The following NAV3 variants were observed in gnomAD, a reference collection of about 807,000 sequenced individuals.
NAV3 encodes pore membrane and/or filament interacting like protein 1.
A neutral mutation model predicts 244.7 loss-of-function variants in NAV3; 87 were observed. That is an observed-to-expected ratio of 0.36 (90% confidence interval 0.30 to 0.42). The LOEUF is 0.42. NAV3 is among the 20% of genes least tolerant of loss of function. The probability of loss-of-function intolerance (pLI) is 1.00; values close to 1 mark genes in which losing one functional copy is unlikely to be tolerated. For synonymous variants in NAV3, 1,126 were observed against 1,042.2 expected, an observed-to-expected ratio of 1.08 and a Z score of -1.55; for missense variants, 2,663 against 2,893.3, an observed-to-expected ratio of 0.92 and a Z score of 1.83.
chr12:77,931,614 C>G lies in NAV3; in HGVS notation c.244-8705C>G, dbSNP rs562745667. ...AGGTGCGGTGGCTCACTCCTGTAAT[C>G]CCAGCACTTTGGGAGGCCCAGGCAG... On this transcript the variant is annotated intron_variant, in intron 1 of 39. Coordinates refer to ENST00000397909, the MANE Select transcript of NAV3 (RefSeq NM_001024383.2). Among the ~76,000 whole-genome samples the G allele has an allele frequency of 4.6e-5, 7 of 152,160 alleles. No individual in the cohort carries two copies. In the South Asian group the frequency reaches 1.5e-3, roughly 32 times the overall value.
At chr12:77,762,341 T>C (rs1869512511) in intron 2 of NAV3, among the ~76,000 whole-genome samples, 2 of 152,072 alleles carry the variant, frequency 1.3e-5, no homozygotes, top group Admixed American at 6.6e-5. Context: ...GACAGGTGGA[T>C]GGGTGCAGCA....
At chr12:77,715,113 T>C (rs1381336557) in intron 2 of NAV3, among the ~76,000 whole-genome samples, 1 of 152,022 alleles carries the variant, frequency 6.6e-6, no homozygotes, top group Non-Finnish European at 1.5e-5. Context: ...TATAATACTT[T>C]GTGTCCATAT....
intron 1 of NAV3, among the ~76,000 whole-genome samples, chr12:77,854,983 T>C (rs922194392): frequency 5.9e-5 from 9 of 151,858 alleles, no homozygotes; most frequent in Non-Finnish European, 7.4e-5. Context: ...AAAAATTAGC[T>C]GGGCGTGGTG....
intron 2 of NAV3, among the ~76,000 whole-genome samples, chr12:77,599,361 T>C (rs1243582699): frequency 6.6e-6 from 1 of 151,950 alleles, no homozygotes; most frequent in Non-Finnish European, 1.5e-5. Context: ...GAAGAAATAT[T>C]GGGTGTTGCG....
At chr12:77,710,046 A>G (rs1366365695) in intron 2 of NAV3, among the ~76,000 whole-genome samples, 3 of 152,174 alleles carry the variant, frequency 2.0e-5, no homozygotes, top group Non-Finnish European at 4.4e-5. Context: ...CTTTAAAACT[A>G]TAGTAATCTG....
intron 3 of NAV3, among the ~76,000 whole-genome samples, chr12:77,946,315 G>A (rs1276066813): frequency 6.6e-6 from 1 of 150,386 alleles, no homozygotes; most frequent in East Asian, 2.0e-4. Context: ...TATGTGTGTG[G>A]ATATATATAA....
At position 78,137,097 on chromosome 12, in the gene NAV3, C is replaced by A. The variant is rs1593740301; in HGVS notation, c.4442-80C>A. The A allele has an allele frequency of 3.1e-6, 4 of 1,300,048 alleles. No individual in the cohort carries two copies. The East Asian group carries it at 9.5e-5, about 31-fold the overall frequency. 80.5% of individuals were successfully genotyped at this position (1,300,048 alleles called of 1,614,324 possible). A position where few individuals can be genotyped will look rare whatever the true frequency, so the allele number is the denominator to read the frequency against. ...TTCATGTTTTCATAAGTATTGGGAT[C>A]ATGTTCTTACTTTCTATCAACCTGC... On this transcript the variant is annotated intron_variant, in intron 18 of 39. Coordinates refer to ENST00000397909, the MANE Select transcript of NAV3 (RefSeq NM_001024383.2).
At chr12:77,666,692 G>T (rs1873731957) in intron 2 of NAV3, among the ~76,000 whole-genome samples, 2 of 152,114 alleles carry the variant, frequency 1.3e-5, no homozygotes, top group African/African-American at 4.8e-5. Context: ...ACACTATCCA[G>T]ATTAGCATTT....
intron 20 of NAV3, among the ~76,000 whole-genome samples, chr12:78,140,620 G>A (rs557472354): frequency 4.1e-4 from 62 of 152,124 alleles, no homozygotes; most frequent in Non-Finnish European, 8.2e-4. Flanking sequence ...GTATGACTTG[G>A]AGTCTCTGAA....
intron 2 of NAV3, among the ~76,000 whole-genome samples, chr12:77,798,411 T>C (rs1871536907): frequency 6.6e-6 from 1 of 152,126 alleles, no homozygotes; most frequent in Admixed American, 6.5e-5. Flanking sequence ...TTTACACTTA[T>C]AAACTTACTG....
At position 78,212,520 on chromosome 12, in the gene NAV3, A is replaced by C. The variant is rs1161884095; in HGVS notation, c.*2003A>C. On this transcript the variant is annotated 3_prime_UTR_variant, in exon 40 of 40. Transcript: ENST00000397909. ...ACATAGAATTGTCACCCTGACTTTG[A>C]AGCCTCAAACATGGATCAAATCTGT... 1 of 152,626 alleles carries C rather than the reference A, an allele frequency of 6.6e-6. No individual in the cohort carries two copies. The highest frequency in any genetic ancestry group is 1.5e-5 in the Non-Finnish European group (1 of 68,034). 9.5% of individuals were successfully genotyped at this position (152,626 alleles called of 1,614,324 possible). A position where few individuals can be genotyped will look rare whatever the true frequency, so the allele number is the denominator to read the frequency against.
intron 2 of NAV3, among the ~76,000 whole-genome samples, chr12:77,657,732 A>C (rs1873191183): frequency 6.6e-6 from 1 of 152,234 alleles, no homozygotes; most frequent in Non-Finnish European, 1.5e-5. Context: ...AACTGAATCC[A>C]GCAGCACATC....
intron 2 of NAV3, among the ~76,000 whole-genome samples, chr12:77,600,818 C>T (rs986757805): frequency 6.6e-6 from 1 of 151,938 alleles, no homozygotes; most frequent in African/African-American, 2.4e-5. Context: ...AGACATTGGG[C>T]TCTGGCTCCT....
At chr12:77,995,395 A>G (rs1369404463) in intron 6 of NAV3, among the ~76,000 whole-genome samples, 1 of 152,206 alleles carries the variant, frequency 6.6e-6, no homozygotes, top group African/African-American at 2.4e-5. Flanking sequence ...ATAGTAAATG[A>G]TAGTGCGTTA....
At chr12:78,088,491 T>C (rs1382831819) in intron 12 of NAV3, among the ~76,000 whole-genome samples, 39 of 152,126 alleles carry the variant, frequency 2.6e-4, no homozygotes, top group African/African-American at 9.2e-4. Context: ...TTCCCTTAGT[T>C]TGTTGACATG....
At chr12:77,780,079 G>C (rs12426528) in intron 2 of NAV3, among the ~76,000 whole-genome samples, 87,311 of 151,916 alleles carry the variant, frequency 0.57, 25,427 homozygotes, top group South Asian at 0.69. Flanking sequence ...TTTCTACTTA[G>C]TGAATTTCTA....
chr12:77,849,406 T>C (rs1319783200), intron 1 of NAV3, among the ~76,000 whole-genome samples: 6 of 152,168 alleles, frequency 3.9e-5, no homozygotes, highest in Non-Finnish European at 8.8e-5. Context: ...TGAGTATTTA[T>C]AATCCAAAAA....
intron 1 of NAV3, among the ~76,000 whole-genome samples, chr12:77,905,019 A>T (rs1357517394): frequency 6.6e-6 from 1 of 152,136 alleles, no homozygotes. Flanking sequence ...AGTTATTCTC[A>T]TATTTAATGC....
intron 5 of NAV3, among the ~76,000 whole-genome samples, chr12:77,992,598 T>G (rs1296665004): frequency 6.6e-6 from 1 of 152,190 alleles, no homozygotes; most frequent in Non-Finnish European, 1.5e-5. Context: ...ATTCAGTTGG[T>G]GCCGATGGAT....
Sources: allele counts gnomAD v4.1 joint callset (sites outside exome capture counted in the v4.1 genomes callset), GRCh38; gene constraint gnomAD v4.1.1; transcripts MANE v1.5; gene names NCBI Gene and HGNC (gene_info 2026-07-23, HGNC 2026-07-21).